ANTXR1: variants seen among roughly 807,000 people sequenced by gnomAD.
ANTXR1 encodes anthrax toxin receptor 1.
In ANTXR1, 19 loss-of-function variants were observed where a neutral mutation model predicts 78.1. The observed-to-expected ratio is 0.24, with a 90% CI of 0.17 to 0.36. ANTXR1 has a LOEUF of 0.36. ANTXR1 is among the 10% of genes least tolerant of loss of function. The pLI is 1.00. For missense variants in ANTXR1, 518 were observed against 718.6 expected (o/e 0.72, Z 3.19); for synonymous variants, 273 against 260.5 (o/e 1.05, Z -0.46).
At chr2:69,138,989 T>C (rs958131166) in intron 12 of ANTXR1, among the ~76,000 whole-genome samples, 3 of 152,204 alleles carry the variant, frequency 2.0e-5, no homozygotes, top group African/African-American at 7.2e-5. Flanking sequence ...AAAGTAAATA[T>C]CTACAAAATG....
chr2:69,128,614 A>G (rs945995495), intron 12 of ANTXR1, among the ~76,000 whole-genome samples: 5 of 152,184 alleles, frequency 3.3e-5, no homozygotes, highest in African/African-American at 1.2e-4. Context: ...TTCAAACATA[A>G]AACTCCAGTC....
intron 1 of ANTXR1, among the ~76,000 whole-genome samples, chr2:69,025,333 T>C (rs1179766102): frequency 1.3e-5 from 2 of 152,224 alleles, no homozygotes; most frequent in Admixed American, 6.5e-5. Context: ...ACAACTCATA[T>C]TGCATGACAA....
intron 3 of ANTXR1, among the ~76,000 whole-genome samples, chr2:69,050,969 G>C (rs1669914441): frequency 6.6e-6 from 1 of 151,500 alleles, no homozygotes; most frequent in African/African-American, 2.4e-5. Context: ...TTCTTATATT[G>C]CAAGTTTTTC....
chr2:69,143,397 G>C (rs1673125756), intron 12 of ANTXR1, among the ~76,000 whole-genome samples: 3 of 152,194 alleles, frequency 2.0e-5, no homozygotes, highest in Admixed American at 2.0e-4. Context: ...CTGATAAGTA[G>C]TGCCATCAAA....
At chr2:69,075,281 T>C (rs1670695790) in intron 6 of ANTXR1, among the ~76,000 whole-genome samples, 1 of 152,218 alleles carries the variant, frequency 6.6e-6, no homozygotes, top group Non-Finnish European at 1.5e-5. Flanking sequence ...ATCAAAGGAA[T>C]GGAAAAGGTA....
chr2:69,115,377 G>A (rs1434644135), intron 10 of ANTXR1, among the ~76,000 whole-genome samples: 1 of 152,230 alleles, frequency 6.6e-6, no homozygotes, highest in African/African-American at 2.4e-5. Context: ...AGGTGCCTCA[G>A]TCGATGACCC....
At chr2:69,110,738 T>C (rs1671953897) in intron 10 of ANTXR1, among the ~76,000 whole-genome samples, 1 of 152,008 alleles carries the variant, frequency 6.6e-6, no homozygotes, top group Non-Finnish European at 1.5e-5. Flanking sequence ...GGTGCGCACC[T>C]GTAGTCCCAG....
intron 3 of ANTXR1, among the ~76,000 whole-genome samples, chr2:69,066,345 G>A (rs1670399421): frequency 6.6e-6 from 1 of 151,838 alleles, no homozygotes; most frequent in Non-Finnish European, 1.5e-5. Flanking sequence ...TCCCCAAGCT[G>A]GAGTGCAATG....
At chr2:69,175,262 G>A (rs1307939947) in intron 14 of ANTXR1, among the ~76,000 whole-genome samples, 1 of 152,064 alleles carries the variant, frequency 6.6e-6, no homozygotes, top group Non-Finnish European at 1.5e-5. Context: ...TATGTTTCCC[G>A]CCTGTCTTCT....
intron 12 of ANTXR1, among the ~76,000 whole-genome samples, chr2:69,125,280 G>A (rs75546827): frequency 0.061 from 9,206 of 152,156 alleles, 353 homozygotes; most frequent in Middle Eastern, 0.082. Context: ...TGGAGCCTTC[G>A]CATCAAGTAG....
At chr2:69,108,764 A>G (rs1671888586) in intron 10 of ANTXR1, among the ~76,000 whole-genome samples, 1 of 152,174 alleles carries the variant, frequency 6.6e-6, no homozygotes, top group African/African-American at 2.4e-5. Flanking sequence ...AATGGCCCCT[A>G]GCTCCAACCA....
intron 10 of ANTXR1, 26 bp from the exon 11 acceptor site, chr2:69,122,991 T>C (rs1180662058): frequency 1.2e-6 from 2 of 1,611,060 alleles, no homozygotes; most frequent in Non-Finnish European, 8.5e-7. Flanking sequence ...CTCCCTCTTC[T>C]TAATCCAGTG....
At chr2:69,220,379 G>C (rs989944472) in intron 17 of ANTXR1, among the ~76,000 whole-genome samples, 1 of 152,104 alleles carries the variant, frequency 6.6e-6, no homozygotes, top group Non-Finnish European at 1.5e-5. Flanking sequence ...TCTTAAAGTG[G>C]GTTTCCTCAT....
At chr2:69,211,264 T>C (rs574297727) in intron 17 of ANTXR1, among the ~76,000 whole-genome samples, 129 of 152,324 alleles carry the variant, frequency 8.5e-4, no homozygotes, top group African/African-American at 3.1e-3. Flanking sequence ...CTGAACTTCA[T>C]TAATTCCCAA....
At chr2:69,021,774 G>T (rs946124673) in intron 1 of ANTXR1, among the ~76,000 whole-genome samples, 1 of 152,202 alleles carries the variant, frequency 6.6e-6, no homozygotes, top group East Asian at 1.9e-4. Context: ...GCTTTGGCTT[G>T]AATAAGCAAG....
chr2:69,097,812 A>G (rs1671481513), intron 9 of ANTXR1, among the ~76,000 whole-genome samples: 1 of 152,264 alleles, frequency 6.6e-6, no homozygotes, highest in African/African-American at 2.4e-5. Flanking sequence ...TCCATTTTTA[A>G]TAGCCAAAAA....
At chr2:69,192,423 G>A (rs572089702) in intron 16 of ANTXR1, among the ~76,000 whole-genome samples, 2 of 152,032 alleles carry the variant, frequency 1.3e-5, no homozygotes, top group East Asian at 1.9e-4. Flanking sequence ...GGTTGAGTCC[G>A]TCTCACACCT....
chr2:69,196,813 G>C (rs894369537), intron 17 of ANTXR1, among the ~76,000 whole-genome samples: 2 of 152,162 alleles, frequency 1.3e-5, no homozygotes, highest in African/African-American at 4.8e-5. Flanking sequence ...GACACATGTT[G>C]ACCTCACAGA....
chr2:69,018,155 C>G (rs1671080020), intron 1 of ANTXR1, among the ~76,000 whole-genome samples: 1 of 152,098 alleles, frequency 6.6e-6, no homozygotes, highest in Non-Finnish European at 1.5e-5. Flanking sequence ...AAAGCCACAG[C>G]CTGTCATTCA....
Sources: gnomAD v4.1 joint callset for allele counts (sites outside exome capture counted in the v4.1 genomes callset) on GRCh38, gnomAD v4.1.1 for gene constraint, MANE v1.5 for transcripts, NCBI Gene and HGNC (gene_info 2026-07-23, HGNC 2026-07-21) for gene names.